ARSF: variants seen among roughly 807,000 people sequenced by gnomAD.
ARSF encodes the protein arylsulfatase F.
A neutral mutation model predicts 35.4 loss-of-function variants in ARSF; 33 were observed. That is an observed-to-expected ratio of 0.93 (90% CI 0.71 to 1.25). ARSF has a LOEUF of 1.25. Among genes scored for constraint, ARSF ranks in the 50% most tolerant of loss-of-function variants. The pLI is 0.00. For missense variants in ARSF, 501 were observed against 480.2 expected (o/e 1.04, Z -0.40); for synonymous variants, 222 against 193.1 (o/e 1.15, Z -1.24).
intron 7 of ARSF, among the ~76,000 whole-genome samples, chrX:3,090,574 GGGAGGATTGCTTGAGCCCA>G (rs2090281881): frequency 8.9e-6 from 1 of 112,051 alleles, no homozygotes; most frequent in African/African-American, 3.2e-5. Flanking sequence ...AGACTGAAGC[GGGAGGATTGCTTGAGCCCA>G]TAAATTGAGG....
intron 2 of ARSF, among the ~76,000 whole-genome samples, chrX:3,071,456 A>G (rs778956533): frequency 1.9e-4 from 21 of 110,186 alleles, no homozygotes; most frequent in African/African-American, 5.9e-4. Context: ...GGAGTGTGCC[A>G]CTACACTCGG....
At chrX:3,103,059 G>C (rs972382139) in intron 8 of ARSF, among the ~76,000 whole-genome samples, 2 of 109,068 alleles carry the variant, frequency 1.8e-5, no homozygotes, top group African/African-American at 6.5e-5. Flanking sequence ...CTGTCATCTT[G>C]GTATAATTAA....
chrX:3,068,571 C>A (rs192256354), intron 2 of ARSF, among the ~76,000 whole-genome samples: 1 of 110,749 alleles, frequency 9.0e-6, no homozygotes, highest in African/African-American at 3.3e-5. Flanking sequence ...AGGTGCTTAT[C>A]GCCACGCCCA....
chrX:3,069,138 T>A (rs2090085548), intron 2 of ARSF, among the ~76,000 whole-genome samples: 1 of 111,515 alleles, frequency 9.0e-6, no homozygotes. Context: ...TAAGAAAATA[T>A]GACCTCAGCT....
intron 1 of ARSF, among the ~76,000 whole-genome samples, chrX:3,047,687 C>A (rs1287446724): frequency 9.1e-6 from 1 of 109,968 alleles, no homozygotes; most frequent in Non-Finnish European, 1.9e-5. Context: ...GCCCAGCCCT[C>A]CCTATAAAAT....
intron 1 of ARSF, among the ~76,000 whole-genome samples, chrX:3,067,470 C>T (rs1455032743): frequency 9.0e-6 from 1 of 111,236 alleles, no homozygotes; most frequent in Non-Finnish European, 1.9e-5. Context: ...TTATTCAGGA[C>T]ACAGAAGCTT....
At chrX:3,082,960 CTATCT>C (rs202118195) in intron 5 of ARSF, among the ~76,000 whole-genome samples, 3,860 of 110,283 alleles carry the variant, frequency 0.035, 57 homozygotes, top group Middle Eastern at 0.061. Context: ...CTGTCCTATC[CTATCT>C]TATCTATTTA....
intron 1 of ARSF, chrX:3,058,641 C>T: frequency 3.1e-6 from 1 of 324,570 alleles, no homozygotes; most frequent in South Asian, 2.7e-5. Context: ...TTCTTTGAGG[C>T]CAGGAGTTCA....
At chrX:3,072,294 C>T in intron 3 of ARSF, 119 bp downstream of exon 3, 1 of 726,320 alleles carries the variant, frequency 1.4e-6, no homozygotes, top group Non-Finnish European at 2.0e-6. Flanking sequence ...TTTTAAGTTA[C>T]TTTAAACTTT....
At chrX:3,056,253 G>A (rs144656999) in intron 1 of ARSF, among the ~76,000 whole-genome samples, 1,312 of 108,311 alleles carry the variant, frequency 0.012, 22 homozygotes, top group African/African-American at 0.041. Flanking sequence ...GAGCCACTGC[G>A]CCGGGTCGCA....
intron 3 of ARSF, among the ~76,000 whole-genome samples, chrX:3,076,047 A>G (rs1449604787): frequency 2.4e-5 from 2 of 83,523 alleles, no homozygotes; most frequent in African/African-American, 4.7e-5. Flanking sequence ...CTCTCTTTCC[A>G]TTTCTTTCTG....
At chrX:3,075,894 T>G (rs1234427561) in intron 3 of ARSF, among the ~76,000 whole-genome samples, 3 of 48,104 alleles carry the variant, frequency 6.2e-5, no homozygotes, top group Non-Finnish European at 1.2e-4. Flanking sequence ...TCTCCATCTC[T>G]CTCTCTGTAT....
At chrX:3,079,640 A>G (rs1001956312) in intron 4 of ARSF, among the ~76,000 whole-genome samples, 9 of 109,036 alleles carry the variant, frequency 8.3e-5, no homozygotes, top group Middle Eastern at 4.2e-3. Flanking sequence ...CACCACATCC[A>G]GTCATATAGT....
intron 1 of ARSF, among the ~76,000 whole-genome samples, chrX:3,043,940 C>T (rs2089965156): frequency 9.0e-6 from 1 of 110,770 alleles, no homozygotes; most frequent in Non-Finnish European, 1.9e-5. Context: ...TGCATACTAT[C>T]TCGCCCAGCT....
In ARSF at chrX:3,080,927, A is replaced by G. The variant is rs767522990; in HGVS notation, c.320A>G (p.Asn107Ser). ...VSSGNRRVIQ[N>S]LAVPAGLPLN... is the part of the protein sequence containing the mutation. ...AGTGGTAATAGACGTGTCATCCAAA[A>G]TCTTGCAGTCCCCGCAGGCCTCCCT... Residue 107 changes from asparagine to serine, a missense_variant, in exon 5 of 11, where the codon AAT (asparagine) becomes AGT (serine). Asn to Ser is a conservative substitution (Grantham distance 46). Coordinates refer to ENST00000381127, the MANE Select transcript of ARSF (RefSeq NM_001201539.2). 5 of 1,211,717 alleles carry G rather than the reference A, an allele frequency of 4.1e-6. No homozygotes were observed. The Admixed American group carries it at 1.1e-4, about 26-fold the overall frequency.
intron 9 of ARSF, among the ~76,000 whole-genome samples, chrX:3,106,210 G>A (rs370331625): frequency 1.8e-5 from 2 of 112,115 alleles, no homozygotes; most frequent in East Asian, 2.8e-4. Flanking sequence ...GTAGTTCAAC[G>A]GGAAGTGGAA....
chrX:3,067,732 G>A (rs1029667307), intron 1 of ARSF, among the ~76,000 whole-genome samples: 8 of 110,106 alleles, frequency 7.3e-5, no homozygotes, highest in Non-Finnish European at 1.3e-4. Context: ...GGTGGTGCAC[G>A]CCTGTAGTCC....
chrX:3,068,701 A>G (rs893229605), intron 2 of ARSF, among the ~76,000 whole-genome samples: 1 of 112,276 alleles, frequency 8.9e-6, no homozygotes, highest in Non-Finnish European at 1.9e-5. Flanking sequence ...CTGGGATTAC[A>G]GGTGTGAGCC....
At chrX:3,057,528 T>G (rs2090023710) in intron 1 of ARSF, among the ~76,000 whole-genome samples, 1 of 111,556 alleles carries the variant, frequency 9.0e-6, no homozygotes, top group African/African-American at 3.3e-5. Context: ...CATCTTTACA[T>G]CAAAGGCTAT....
Sources: gnomAD v4.1 joint callset for allele counts (sites outside exome capture counted in the v4.1 genomes callset) on GRCh38, gnomAD v4.1.1 for gene constraint, MANE v1.5 for transcripts, NCBI Gene and HGNC (gene_info 2026-07-23, HGNC 2026-07-21) for gene names.